The following PRELID2 variants were observed in gnomAD, a reference collection of about 807,000 sequenced individuals.
PRELID2 encodes the protein PRELI domain containing 2.
A neutral mutation model predicts 28.4 loss-of-function variants in PRELID2; 25 were observed. That is an observed-to-expected ratio of 0.88 (90% CI 0.64 to 1.23). The LOEUF (loss-of-function observed/expected upper bound fraction) is 1.23, where lower values mean the gene tolerates loss of function less well. PRELID2 is among the 50% of genes most tolerant of loss of function. PRELID2 has a pLI of 0.00. For synonymous variants in PRELID2, 76 were observed against 71.6 expected, an observed-to-expected ratio of 1.06 and a Z score of -0.31; for missense variants, 201 against 214.4, an observed-to-expected ratio of 0.94 and a Z score of 0.39.
chr5:145,431,377 T>C, the PRELID2 span, among the ~76,000 whole-genome samples: 1 of 152,156 alleles, frequency 6.6e-6, no homozygotes, highest in Non-Finnish European at 1.5e-5. Context: ...CTGATTTAAA[T>C]AAATAAACGG....
intron 5 of PRELID2, among the ~76,000 whole-genome samples, chr5:145,768,327 G>T (rs1433148722): frequency 1.3e-5 from 2 of 151,612 alleles, no homozygotes; most frequent in Non-Finnish European, 2.9e-5. Flanking sequence ...CAGAAAACCT[G>T]CATTGTGCCC....
At position 145,758,994 on chromosome 5, in the gene PRELID2, A is replaced by ATTTTTTTTTTTTT. The variant is rs70998036; in HGVS notation, c.*1529_*1541dup. ...CCAAGACTCTCCAGTAACGGCCTGA[A>ATTTTTTTTTTTTT]TTTTTTTTTTTTTTTTTTTTTTTTG... is the stretch of plus-strand genomic sequence containing the variant. On this transcript the variant is annotated 3_prime_UTR_variant, in exon 7 of 7. Transcript: ENST00000683046. 4.4e-5 allele frequency: 4 copies of ATTTTTTTTTTTTT among 90,590 alleles called. No individual in the cohort carries two copies. The highest frequency in any genetic ancestry group is 3.6e-4 in the East Asian group (1 of 2,754). The allele number at this position is 90,590 out of a possible 1,614,324, so 5.6% of individuals were successfully genotyped here. A position where few individuals can be genotyped will look rare whatever the true frequency, so the allele number is the denominator to read the frequency against.
chr5:145,803,108 T>A (rs3910200), intron 4 of PRELID2, among the ~76,000 whole-genome samples: 2 of 152,152 alleles, frequency 1.3e-5, no homozygotes, highest in African/African-American at 2.4e-5. Context: ...GTTCTAATCA[T>A]GTTTTTAGCA....
At chr5:145,469,194 A>G (rs1313238739), downstream of PRELID2, among the ~76,000 whole-genome samples, 1 of 152,022 alleles carries the variant, frequency 6.6e-6, no homozygotes, top group Non-Finnish European at 1.5e-5. Context: ...AGACTTTTGC[A>G]TTTTAGGTGC....
At chr5:145,580,639 C>G (rs1313183834) in intron 1 of PRELID2, among the ~76,000 whole-genome samples, 1 of 151,972 alleles carries the variant, frequency 6.6e-6, no homozygotes, top group Non-Finnish European at 1.5e-5. Context: ...AACAGCTAAG[C>G]CTTATGTGAA....
chr5:145,565,622 G>C (rs1031188626), intron 1 of PRELID2, among the ~76,000 whole-genome samples: 4 of 152,180 alleles, frequency 2.6e-5, no homozygotes, highest in African/African-American at 9.7e-5. Flanking sequence ...GATCCTTTTG[G>C]TTTGCAGACA....
intron 1 of PRELID2, among the ~76,000 whole-genome samples, chr5:145,641,918 T>C (rs1187122608): frequency 6.6e-6 from 1 of 152,248 alleles, no homozygotes; most frequent in Non-Finnish European, 1.5e-5. Flanking sequence ...CTATCCTTGA[T>C]GGACATTTGG....
the PRELID2 span, among the ~76,000 whole-genome samples, chr5:145,248,581 T>C: frequency 2.0e-5 from 3 of 148,876 alleles, no homozygotes; most frequent in South Asian, 6.3e-4. Flanking sequence ...GATCAAAAGG[T>C]CAAGAGATCG....
At chr5:145,338,978 CAAGT>C in the PRELID2 span, among the ~76,000 whole-genome samples, 6 of 152,126 alleles carry the variant, frequency 3.9e-5, no homozygotes, top group Non-Finnish European at 7.4e-5. Context: ...CTACATTTTT[CAAGT>C]AAGTGGCCCA....
At chr5:145,252,034 G>A in the PRELID2 span, among the ~76,000 whole-genome samples, 1 of 152,052 alleles carries the variant, frequency 6.6e-6, no homozygotes, top group African/African-American at 2.4e-5. Context: ...ATTTGAAATA[G>A]TGATGTTTTT....
At chr5:145,497,001 TACAGGTGTGTGCC>T (rs1162478203) in intron 1 of PRELID2, among the ~76,000 whole-genome samples, 14 of 152,110 alleles carry the variant, frequency 9.2e-5, no homozygotes, top group Admixed American at 3.3e-4. Context: ...TAGCTAGGAC[TACAGGTGTGTGCC>T]ACCATGCTCA....
chr5:145,780,029 G>A (rs1194744374), intron 5 of PRELID2, among the ~76,000 whole-genome samples: 1 of 152,204 alleles, frequency 6.6e-6, no homozygotes, highest in Admixed American at 6.5e-5. Context: ...AATAACAACA[G>A]GGGCCGGGCA....
the PRELID2 span, among the ~76,000 whole-genome samples, chr5:145,415,970 A>G: frequency 6.6e-6 from 1 of 152,016 alleles, no homozygotes; most frequent in South Asian, 2.1e-4. Context: ...AATGATTGCC[A>G]TTCTAACTGG....
At chr5:145,704,983 C>A (rs1209456011) in intron 1 of PRELID2, among the ~76,000 whole-genome samples, 1 of 152,086 alleles carries the variant, frequency 6.6e-6, no homozygotes, top group Non-Finnish European at 1.5e-5. Context: ...CAGGGCAAAT[C>A]CCCTATTTTT....
chr5:145,456,478 T>A, the PRELID2 span, among the ~76,000 whole-genome samples: 2 of 152,298 alleles, frequency 1.3e-5, no homozygotes, highest in South Asian at 2.1e-4. Context: ...GTCTCCATCA[T>A]GTCCTTAGAG....
chr5:145,753,537 G>C (rs1757180694), downstream of PRELID2, among the ~76,000 whole-genome samples: 1 of 152,166 alleles, frequency 6.6e-6, no homozygotes, highest in Non-Finnish European at 1.5e-5. Context: ...CACTAGAAAG[G>C]AGAGATCTTT....
intron 1 of PRELID2, among the ~76,000 whole-genome samples, chr5:145,647,815 C>A (rs1393823161): frequency 6.6e-6 from 1 of 152,168 alleles, no homozygotes; most frequent in Non-Finnish European, 1.5e-5. Flanking sequence ...CCTTGCGCTT[C>A]CCGGGTTATG....
chr5:145,765,274 A>C (rs558016765), intron 5 of PRELID2, among the ~76,000 whole-genome samples: 4 of 152,356 alleles, frequency 2.6e-5, no homozygotes, highest in South Asian at 4.1e-4. Flanking sequence ...AAGAGTAGTT[A>C]AATAACTTCT....
chr5:145,654,721 A>G (rs1754362005), intron 1 of PRELID2, among the ~76,000 whole-genome samples: 1 of 152,192 alleles, frequency 6.6e-6, no homozygotes, highest in Admixed American at 6.5e-5. Context: ...AAAACTCTCA[A>G]TAAATTAGGT....
Sources: gnomAD v4.1 joint callset for allele counts (sites outside exome capture counted in the v4.1 genomes callset) on GRCh38, gnomAD v4.1.1 for gene constraint, MANE v1.5 for transcripts, NCBI Gene and HGNC (gene_info 2026-07-23, HGNC 2026-07-21) for gene names.